Variants in FGGY observed in about 807,000 individuals in gnomAD.
The protein encoded by FGGY is FGGY carbohydrate kinase domain containing.
A neutral mutation model predicts 71.3 loss-of-function variants in FGGY; 72 were observed. The ratio of observed to expected loss-of-function variants is 1.01; its 90% CI spans 0.84 to 1.23. The LOEUF (loss-of-function observed/expected upper bound fraction) is 1.23. FGGY is among the 50% of genes most tolerant of loss of function. The pLI is 0.00. For synonymous variants in FGGY, 251 were observed against 250.3 expected (o/e 1.00, Z -0.02); for missense variants, 668 against 682.3 (o/e 0.98, Z 0.23).
At chr1:59,684,172 T>C (rs1172158572) in intron 14 of FGGY, among the ~76,000 whole-genome samples, 1 of 152,230 alleles carries the variant, frequency 6.6e-6, no homozygotes, top group Admixed American at 6.5e-5. Context: ...CCCAGTCTAC[T>C]GGTGGCGGGA....
chr1:59,739,486 T>C (rs138824008), intron 14 of FGGY, among the ~76,000 whole-genome samples: 163 of 152,230 alleles, frequency 1.1e-3, no homozygotes, highest in African/African-American at 3.8e-3. Context: ...TGCAGGGGTA[T>C]GGGGAGAATG....
intron 8 of FGGY, among the ~76,000 whole-genome samples, chr1:59,597,465 AC>A (rs2096535273): frequency 6.6e-6 from 1 of 152,076 alleles, no homozygotes; most frequent in African/African-American, 2.4e-5. Flanking sequence ...TAACCTCTGT[AC>A]CCTACTTCAG....
In FGGY at chr1:59,644,891, C is replaced by T. The variant is rs554839729; in HGVS notation, c.1221+6516C>T. ...ACTCAGGAGGCTGAGGCAGGAGAGT[C>T]GCTTGAACCCAGGAGGCAGAGGTTG... is the stretch of plus-strand genomic sequence containing the variant. On this transcript the variant is annotated intron_variant, in intron 11 of 15. Transcript: ENST00000303721. 3.3e-5 allele frequency among the ~76,000 whole-genome samples: 5 copies of T among 151,862 alleles called. No individual in the cohort carries two copies. The East Asian group carries it at 5.8e-4, about 18-fold the overall frequency.
chr1:59,517,604 C>T (rs1380536081), intron 7 of FGGY, among the ~76,000 whole-genome samples: 1 of 152,114 alleles, frequency 6.6e-6, no homozygotes, highest in Non-Finnish European at 1.5e-5. Context: ...GGAAGCCCTC[C>T]CTGACTTCCC....
At chr1:59,421,561 C>T (rs1310947370) in intron 5 of FGGY, among the ~76,000 whole-genome samples, 3 of 150,982 alleles carry the variant, frequency 2.0e-5, no homozygotes, top group African/African-American at 4.9e-5. Context: ...TTTCCCTCCC[C>T]TCCTCCTTCC....
intron 5 of FGGY, among the ~76,000 whole-genome samples, chr1:59,388,968 G>C (rs1326886627): frequency 1.3e-5 from 2 of 151,370 alleles, no homozygotes; most frequent in African/African-American, 2.4e-5. Context: ...CTTTTTTTTA[G>C]ACAGGGTCTT....
At chr1:59,369,363 A>G (rs1414778819) in intron 4 of FGGY, among the ~76,000 whole-genome samples, 2 of 152,004 alleles carry the variant, frequency 1.3e-5, no homozygotes, top group East Asian at 1.9e-4. Flanking sequence ...CTGGGGGAGG[A>G]GCGCCCGCCA....
In FGGY at chr1:59,531,748, G is replaced by A. The variant is rs141707547; in HGVS notation, c.799+19309G>A. Among the ~76,000 whole-genome samples the A allele has an allele frequency of 3.4e-3, 512 of 152,280 alleles. 2 individuals carry two copies. The highest frequency in any genetic ancestry group is 5.5e-3 in the Non-Finnish European group (376 of 68,022). On this transcript the variant is annotated intron_variant, in intron 7 of 15. Transcript: ENST00000303721. ...GAGTTTGGACATCATTGAAGAGGGA[G>A]AATACTAGTAAATCCTCTAGGTGTT...
chr1:59,469,999 T>C (rs7514779), intron 6 of FGGY, among the ~76,000 whole-genome samples: 56,734 of 152,082 alleles, frequency 0.37, 11,157 homozygotes, highest in Middle Eastern at 0.49. Context: ...CAGTCTACCA[T>C]TGATGGGCAT....
intron 11 of FGGY, chr1:59,641,231 A>T: frequency 6.9e-7 from 1 of 1,442,880 alleles, no homozygotes; most frequent in Non-Finnish European, 9.6e-7. Context: ...GATTGCCTTT[A>T]GCATTTTATC....
In FGGY at chr1:59,667,299, T is replaced by C. The variant is rs545682763; in HGVS notation, c.1313T>C (p.Ile438Thr). 3.1e-6 allele frequency: 5 copies of C among 1,614,138 alleles called. No individual in the cohort carries two copies. The South Asian group carries it at 4.4e-5, about 14-fold the overall frequency. Residue 438 changes from isoleucine (I) to threonine (T), a missense_variant, in exon 13 of 16, where the codon ATT (isoleucine) becomes ACT (threonine). This residue lies in a region of FGGY where 661 missense variants were observed against 661.6 expected (regional missense o/e 1.00). Coordinates refer to ENST00000303721, the MANE Select transcript of FGGY (RefSeq NM_018291.5). ...VQAIALGTRF[I>T]IEAMEAAGHS... ...CCTTTCAAGTTGGGGACTCGCTTCATTATAGAAGCCATGGAGGCAGCAGGG... is the reference window on the plus strand; with the variant it reads ...CCTTTCAAGTTGGGGACTCGCTTCACTATAGAAGCCATGGAGGCAGCAGGG...
chr1:59,721,500 GGC>G, intron 14 of FGGY, among the ~76,000 whole-genome samples: 1 of 151,604 alleles, frequency 6.6e-6, no homozygotes, highest in East Asian at 1.9e-4. Flanking sequence ...CACCACACCC[GGC>G]TAATTTTGTA....
intron 14 of FGGY, among the ~76,000 whole-genome samples, chr1:59,752,488 C>A (rs1414464139): frequency 6.6e-6 from 1 of 152,198 alleles, no homozygotes; most frequent in Non-Finnish European, 1.5e-5. Context: ...AAGGCTTAAG[C>A]CCATTATTCC....
intron 11 of FGGY, among the ~76,000 whole-genome samples, chr1:59,649,257 T>G (rs2097132158): frequency 1.4e-5 from 2 of 145,872 alleles, no homozygotes; most frequent in Admixed American, 1.4e-4. Context: ...CCATATGAAC[T>G]TTAAAGTAGT....
chr1:59,312,300 C>T (rs2044488044), intron 1 of FGGY, among the ~76,000 whole-genome samples: 1 of 152,116 alleles, frequency 6.6e-6, no homozygotes, highest in African/African-American at 2.4e-5. Context: ...GCAATTGCTT[C>T]TGGCAAACCT....
chr1:59,595,995 T>C (rs542353782), intron 8 of FGGY, among the ~76,000 whole-genome samples: 1 of 152,228 alleles, frequency 6.6e-6, no homozygotes, highest in East Asian at 1.9e-4. Context: ...ATTTCATTTG[T>C]TTCTGATTGT....
intron 11 of FGGY, among the ~76,000 whole-genome samples, chr1:59,649,993 C>T (rs934976496): frequency 6.8e-6 from 1 of 148,086 alleles, no homozygotes; most frequent in African/African-American, 2.6e-5. Context: ...GCTTTTTCTG[C>T]ATCTGTTGAG....
chr1:59,672,914 C>T (rs78269851), intron 13 of FGGY, among the ~76,000 whole-genome samples: 2,331 of 152,276 alleles, frequency 0.015, 26 homozygotes, highest in Middle Eastern at 0.071. Context: ...CATGAACCCT[C>T]AACCTCTGGG....
intron 13 of FGGY, among the ~76,000 whole-genome samples, chr1:59,669,596 T>A (rs191298552): frequency 1.3e-5 from 2 of 148,784 alleles, no homozygotes; most frequent in Non-Finnish European, 3.0e-5. Context: ...GGTTTCACCA[T>A]GTTGGCCAGG....
Sources: gnomAD v4.1 joint callset for allele counts (sites outside exome capture counted in the v4.1 genomes callset) on GRCh38, gnomAD v4.1.1 for gene constraint, gnomAD v4.1.1 regional missense constraint, MANE v1.5 for transcripts, NCBI Gene and HGNC (gene_info 2026-07-23, HGNC 2026-07-21) for gene names.